GYS2: variants seen among roughly 807,000 people sequenced by gnomAD.
GYS2 encodes glycogen [starch] synthase, liver.
A neutral mutation model predicts 85.6 loss-of-function variants in GYS2; 80 were observed. The ratio of observed to expected loss-of-function variants is 0.93; its 90% CI spans 0.78 to 1.13. The LOEUF is 1.13. Among genes scored for constraint, GYS2 ranks in the 50% most tolerant of loss-of-function variants. GYS2 has a pLI of 0.00. For synonymous variants in GYS2, 328 were observed against 300.7 expected (o/e 1.09, Z -0.94); for missense variants, 881 against 854.9 (o/e 1.03, Z -0.38).
At chr12:21,567,532 T>G (rs901980931) in intron 5 of GYS2, among the ~76,000 whole-genome samples, 2 of 111,460 alleles carry the variant, frequency 1.8e-5, no homozygotes, top group African/African-American at 7.8e-5. Flanking sequence ...TTCTATCTTG[T>G]TTTTTTTTTT....
rs773831022 is a variant in GYS2, at chr12:21,540,404, G to C, written c.1809+6C>G. ...TGGTCTGCTGTGTTTATCTAAACTT[G>C]CTTACTCTGCCTAAGTATCTCCAAT... On this transcript the variant is annotated splice_donor_region_variant and intron_variant, in intron 14 of 15. Transcript: ENST00000261195. The C allele has an allele frequency of 1.9e-6, 3 of 1,612,608 alleles. No homozygotes were observed. The South Asian group carries it at 3.3e-5, about 18-fold the overall frequency.
intron 1 of GYS2, among the ~76,000 whole-genome samples, chr12:21,595,240 G>A (rs1429422253): frequency 6.6e-6 from 1 of 152,028 alleles, no homozygotes; most frequent in African/African-American, 2.4e-5. Flanking sequence ...GCTGCAGATA[G>A]ACTGCAAGAA....
intron 15 of GYS2, among the ~76,000 whole-genome samples, chr12:21,537,652 C>G (rs970379809): frequency 6.0e-4 from 91 of 152,122 alleles, no homozygotes; most frequent in African/African-American, 2.2e-3. Context: ...ATGTGGATAG[C>G]CTGGAAATGC....
intron 5 of GYS2, among the ~76,000 whole-genome samples, chr12:21,567,722 A>C (rs563472531): frequency 6.6e-6 from 1 of 152,262 alleles, no homozygotes; most frequent in South Asian, 2.1e-4. Flanking sequence ...ATTTATTAAT[A>C]GGATGCCGGA....
intron 2 of GYS2, among the ~76,000 whole-genome samples, chr12:21,579,969 T>C (rs1163235358): frequency 6.6e-6 from 1 of 152,264 alleles, no homozygotes; most frequent in Non-Finnish European, 1.5e-5. Flanking sequence ...AATCTCTAGC[T>C]TCTTTTAATG....
chr12:21,573,192 T>C (rs780948425), intron 4 of GYS2, among the ~76,000 whole-genome samples: 1 of 152,222 alleles, frequency 6.6e-6, no homozygotes, highest in Non-Finnish European at 1.5e-5. Flanking sequence ...GAGACAGTAG[T>C]ATAACTTTTC....
chr12:21,580,299 T>C, intron 2 of GYS2, 43 bp downstream of exon 2: 1 of 1,541,434 alleles, frequency 6.5e-7, no homozygotes, highest in Non-Finnish European at 9.0e-7. Flanking sequence ...TTTTTTCCCA[T>C]AAGTTTACTG....
Position 21,554,140 on chromosome 12 carries a change from C to G in GYS2, c.1422+4060G>C, listed in dbSNP as rs539592226. On this transcript the variant is annotated intron_variant, in intron 11 of 15. Coordinates refer to ENST00000261195, the MANE Select transcript of GYS2 (RefSeq NM_021957.4). ...AGAAGAATGGAAGGAAGGAAGGAAG[C>G]GAGGAAGGAAGGAAGAAGGAAGGAA... Among the ~76,000 whole-genome samples the G allele has an allele frequency of 4.1e-5, 6 of 144,928 alleles. No homozygotes were observed. In the East Asian group the frequency reaches 1.2e-3, roughly 29 times the overall value.
Position 21,537,068 on chromosome 12 carries a change from C to T in GYS2, c.1998G>A (p.Glu666=). ...CAGCCTCCTCTTCCTCATCGTATCTCTCATCCTCCACTTCATCTTCCACAT... is the reference window on the plus strand; with the variant it reads ...CAGCCTCCTCTTCCTCATCGTATCTTTCATCCTCCACTTCATCTTCCACAT... ...SSDVEDEVED[E]RYDEEEEAER... is the part of the protein sequence containing the mutation. Residue 666 remains glutamate (E), a synonymous_variant, in exon 16 of 16, where the codon GAG becomes GAA. Transcript: ENST00000261195. The T allele has an allele frequency of 6.2e-7, 1 of 1,613,846 alleles. No individual in the cohort carries two copies. The highest frequency in any genetic ancestry group is 2.2e-5 in the East Asian group (1 of 44,864).
At chr12:21,540,634 C>T in intron 13 of GYS2, 61 bp from the exon 14 acceptor site, 4 of 1,428,318 alleles carry the variant, frequency 2.8e-6, no homozygotes, top group Non-Finnish European at 3.9e-6. Context: ...CATTTGTTCT[C>T]CTGTGATTTA....
Position 21,558,464 on chromosome 12 carries a change from G to C in GYS2, c.1309-151C>G, listed in dbSNP as rs547237454. The C allele has an allele frequency of 1.6e-4, 104 of 653,124 alleles. 1 individual carries two copies. The highest frequency in any genetic ancestry group is 5.2e-4 in the Middle Eastern group (2 of 3,860). 40.5% of individuals were successfully genotyped at this position (653,124 alleles called of 1,614,324 possible). ...GATGATGACTAAGTCTTGTGTGTGT[G>C]TCAAAGGAAGATATGGGTTGAAGAA... On this transcript the variant is annotated intron_variant, in intron 10 of 15. Coordinates refer to ENST00000261195, the MANE Select transcript of GYS2 (RefSeq NM_021957.4).
At chr12:21,563,387 A>AT in intron 5 of GYS2, 42 bp from the exon 6 acceptor site, 2 of 998,782 alleles carry the variant, frequency 2.0e-6, no homozygotes, top group Non-Finnish European at 3.2e-6. Flanking sequence ...TTCTCTTTTC[A>AT]AAGAGGGTAC....
At chr12:21,576,457 T>C (rs1260448476) in intron 2 of GYS2, among the ~76,000 whole-genome samples, 2 of 152,178 alleles carry the variant, frequency 1.3e-5, no homozygotes, top group Non-Finnish European at 2.9e-5. Flanking sequence ...CAGTGTCGCT[T>C]ATTTTCTTTT....
chr12:21,556,810 T>C (rs1944185595), intron 11 of GYS2, among the ~76,000 whole-genome samples: 1 of 152,206 alleles, frequency 6.6e-6, no homozygotes, highest in African/African-American at 2.4e-5. Flanking sequence ...TGACCTTTTC[T>C]ACATGCAACC....
intron 11 of GYS2, among the ~76,000 whole-genome samples, chr12:21,546,850 C>T (rs762099544): frequency 1.3e-5 from 2 of 152,128 alleles, no homozygotes; most frequent in African/African-American, 2.4e-5. Flanking sequence ...CCAACTTGAG[C>T]AGGGAAGAGG....
At chr12:21,559,834 T>C in intron 8 of GYS2, 124 bp from the exon 9 acceptor site, 1 of 701,562 alleles carries the variant, frequency 1.4e-6, no homozygotes. Flanking sequence ...TACAGGTATC[T>C]TTTTTATAGT....
chr12:21,599,062 T>G (rs1456126802), intron 1 of GYS2, among the ~76,000 whole-genome samples: 1 of 19,532 alleles, frequency 5.1e-5, no homozygotes, highest in Non-Finnish European at 2.4e-4. Flanking sequence ...TTTCTCTGCC[T>G]CTCTCTCGCT....
chr12:21,575,071 C>A (rs1481508040), intron 3 of GYS2, among the ~76,000 whole-genome samples: 1 of 152,078 alleles, frequency 6.6e-6, no homozygotes, highest in Non-Finnish European at 1.5e-5. Context: ...GCCGTTACAT[C>A]ATTTTATAAT....
Position 21,595,898 on chromosome 12 carries a change from G to A in GYS2, c.121+8574C>T, listed in dbSNP as rs138255783. On this transcript the variant is annotated intron_variant, in intron 1 of 15. Transcript: ENST00000261195. ...ACTAGACAGTTCATCAAGACAGAAA[G>A]TCAACAAAAAAATAATGGATTTAAA... Among the ~76,000 whole-genome samples, 666 of 152,078 alleles carry A rather than the reference G, an allele frequency of 4.4e-3. 4 individuals carry two copies. Among genetic ancestry groups the A allele is most frequent in the African/African-American group, 0.016 (644 of 41,486 alleles).
Sources: gnomAD v4.1 joint callset for allele counts (sites outside exome capture counted in the v4.1 genomes callset) on GRCh38, gnomAD v4.1.1 for gene constraint, MANE v1.5 for transcripts, NCBI Gene and HGNC (gene_info 2026-07-23, HGNC 2026-07-21) for gene names.